Variants in TMEM106B observed in about 807,000 individuals in gnomAD.
TMEM106B encodes transmembrane protein 106B.
Under a neutral mutation model 31.1 loss-of-function variants are expected in TMEM106B, and 15 were observed. The ratio of observed to expected loss-of-function variants is 0.48; its 90% CI spans 0.32 to 0.74. TMEM106B has a LOEUF of 0.74. Ranked by LOEUF, TMEM106B falls within the 30% of genes least tolerant of loss-of-function variation. The pLI, the probability that TMEM106B is intolerant of heterozygous loss-of-function variation, is 0.03. For synonymous variants in TMEM106B, 126 were observed against 112.5 expected (o/e 1.12, Z -0.76); for missense variants, 283 against 327.3 (o/e 0.86, Z 1.04).
intron 1 of TMEM106B, among the ~76,000 whole-genome samples, chr7:12,211,817 C>T (rs1781583898): frequency 6.6e-6 from 1 of 152,214 alleles, no homozygotes; most frequent in Middle Eastern, 3.4e-3. Flanking sequence ...GTTCTCAAGC[C>T]CTTTTAGAAC....
chr7:12,230,410 G>T lies in TMEM106B; in HGVS notation c.604G>T (p.Val202Phe). Residue 202 changes from valine (V) to phenylalanine (F), a missense_variant, in exon 6 of 8, where the codon GTT (valine) becomes TTT (phenylalanine). This residue lies in a region of TMEM106B where 201 missense variants were observed against 211.5 expected (regional missense o/e 0.95). Coordinates refer to ENST00000396668, the MANE Select transcript of TMEM106B (RefSeq NM_001134232.2). ...MKQIDYTVPT[V>F]IAEEMSYMYD... ...TCAGATTGATTACACAGTACCTACC[G>T]TTATAGCAGAGGAAATGAGTTATAT... 6.2e-7 allele frequency: 1 copy of T among 1,602,666 alleles called. No individual in the cohort carries two copies. Among genetic ancestry groups the T allele is most frequent in the Non-Finnish European group, 8.5e-7 (1 of 1,172,672 alleles).
At chr7:12,224,730 T>A (rs912153355) in intron 4 of TMEM106B, among the ~76,000 whole-genome samples, 2 of 152,258 alleles carry the variant, frequency 1.3e-5, no homozygotes, top group East Asian at 3.8e-4. Context: ...ATAGATTTTA[T>A]AAATGTAACA....
rs574626313 is a variant in TMEM106B, at chr7:12,236,724, T to C, written c.*4749T>C. The stretch of plus-strand genomic sequence containing the variant: ...GTAATTCCAAGTGCTGATAGTACTA[T>C]TCATCTTTTTTATTATTGTGTCAGA... On this transcript the variant is annotated 3_prime_UTR_variant, in exon 8 of 8. Transcript: ENST00000396668. 310 of 152,182 alleles carry C rather than the reference T, an allele frequency of 2.0e-3. 3 individuals are homozygous for C. The highest frequency in any genetic ancestry group is 7.0e-3 in the African/African-American group (293 of 41,572). The allele number at this position is 152,182 out of a possible 1,614,324, so 9.4% of individuals were successfully genotyped here.
Position 12,232,088 on chromosome 7 carries a change from C to CT in TMEM106B, c.*115dup, listed in dbSNP as rs568483082. 266 of 975,132 alleles carry CT rather than the reference C, an allele frequency of 2.7e-4. No individual in the cohort carries two copies. In the East Asian group the frequency reaches 5.8e-3, roughly 21 times the overall value. The allele number at this position is 975,132 out of a possible 1,614,324, so 60.4% of individuals were successfully genotyped here. A position where few individuals can be genotyped will look rare whatever the true frequency, so the allele number is the denominator to read the frequency against. ...AAATTGAACAAACCTAAAGTTTACA[C>CT]TTCTAAGAGTACAGTTAAAAGTATG... is the stretch of plus-strand genomic sequence containing the variant. On this transcript the variant is annotated 3_prime_UTR_variant, in exon 8 of 8. Transcript: ENST00000396668.
intron 1 of TMEM106B, among the ~76,000 whole-genome samples, chr7:12,212,757 C>G (rs1781605770): frequency 6.6e-6 from 1 of 152,120 alleles, no homozygotes; most frequent in South Asian, 2.1e-4. Context: ...ACCAAGCAGG[C>G]TCCTATCAGG....
chr7:12,226,694 G>GA (rs3839692), intron 4 of TMEM106B, among the ~76,000 whole-genome samples: 43,731 of 151,838 alleles, frequency 0.29, 6,474 homozygotes, highest in South Asian at 0.42. Flanking sequence ...TAATTACAGA[G>GA]AAAAAATGGA....
Position 12,231,109 on chromosome 7 carries a change from T to G in TMEM106B, c.680T>G (p.Met227Arg). 4 of 1,599,944 alleles carry G rather than the reference T, an allele frequency of 2.5e-6. No individual in the cohort carries two copies. Among genetic ancestry groups the G allele is most frequent in the Non-Finnish European group, 3.4e-6 (4 of 1,172,512 alleles). Residue 227 changes from methionine to arginine, a missense_variant, in exon 7 of 8, where the codon ATG (methionine) becomes AGG (arginine). Physicochemically the swap from Met to Arg is moderately conservative, Grantham distance 91 (BLOSUM62 -1). This residue lies in a region of TMEM106B where 201 missense variants were observed against 211.5 expected (regional missense o/e 0.95). Coordinates refer to ENST00000396668, the MANE Select transcript of TMEM106B (RefSeq NM_001134232.2). ...ISIKVHNIVL[M>R]MQVTVTTTYF... Reference sequence around the variant, plus strand: ...ATCAAAGTGCATAACATAGTACTCATGATGCAGTAAGTACAAATCTTTTTT... The same window carrying G: ...ATCAAAGTGCATAACATAGTACTCAGGATGCAGTAAGTACAAATCTTTTTT...
In TMEM106B at chr7:12,239,032, A is replaced by G. The variant is rs951184345; in HGVS notation, c.*7057A>G. The G allele has an allele frequency of 6.6e-6, 1 of 152,152 alleles. No individual in the cohort carries two copies. The highest frequency in any genetic ancestry group is 2.4e-5 in the African/African-American group (1 of 41,448). The allele number at this position is 152,152 out of a possible 1,614,324, so 9.4% of individuals were successfully genotyped here. On this transcript the variant is annotated 3_prime_UTR_variant, in exon 8 of 8. Coordinates refer to ENST00000396668, the MANE Select transcript of TMEM106B (RefSeq NM_001134232.2). ...TTTAGCTATGAAAGTTTTAGATGGC[A>G]CCTTTTTGTAAAAGAAGGTTGTTTT...
Position 12,237,418 on chromosome 7 carries a change from A to G in TMEM106B, c.*5443A>G, listed in dbSNP as rs1459041687. 6.6e-6 allele frequency: 1 copy of G among 151,956 alleles called. No individual in the cohort carries two copies. Among genetic ancestry groups the G allele is most frequent in the African/African-American group, 2.4e-5 (1 of 41,358 alleles). 9.4% of individuals were successfully genotyped at this position (151,956 alleles called of 1,614,324 possible). ...CTTTTTTTCATTCACTTAACTTCCA[A>G]TCAGTACTCAAGCTTTATCCATTCT... On this transcript the variant is annotated 3_prime_UTR_variant, in exon 8 of 8. Coordinates refer to ENST00000396668, the MANE Select transcript of TMEM106B (RefSeq NM_001134232.2).
At chr7:12,219,378 A>G (rs181077770) in intron 3 of TMEM106B, among the ~76,000 whole-genome samples, 2 of 152,336 alleles carry the variant, frequency 1.3e-5, no homozygotes, top group Admixed American at 6.5e-5. Flanking sequence ...ACGCTGGCAT[A>G]TTCCATCACC....
At chr7:12,222,167 A>G in intron 3 of TMEM106B, among the ~76,000 whole-genome samples, 1 of 152,236 alleles carries the variant, frequency 6.6e-6, no homozygotes, top group East Asian at 1.9e-4. Flanking sequence ...AGGAAATGGC[A>G]AAAATGGAAT....
In TMEM106B at chr7:12,230,311, T is replaced by A. The variant is rs1036106573; in HGVS notation, c.583-78T>A. The A allele has an allele frequency of 1.2e-5, 12 of 1,042,342 alleles. No homozygotes were observed. The African/African-American group carries it at 1.9e-4, about 17-fold the overall frequency. 64.6% of individuals were successfully genotyped at this position (1,042,342 alleles called of 1,614,324 possible). A position where few individuals can be genotyped will look rare whatever the true frequency, so the allele number is the denominator to read the frequency against. On this transcript the variant is annotated intron_variant, in intron 5 of 7. Transcript: ENST00000396668. The stretch of plus-strand genomic sequence containing the variant: ...GTAAAAGGAGAAAAATTTCTAATTA[T>A]TTGAAGTTATGAAGTATATCTGAAA...
chr7:12,222,948 A>G (rs1166219750), intron 3 of TMEM106B, among the ~76,000 whole-genome samples: 1 of 152,206 alleles, frequency 6.6e-6, no homozygotes, highest in Non-Finnish European at 1.5e-5. Context: ...ATGGTGGCGG[A>G]GAGTGGAAGA....
chr7:12,224,366 C>T lies in TMEM106B; in HGVS notation c.422C>T (p.Thr141Ile), dbSNP rs759157913. 6.2e-7 allele frequency: 1 copy of T among 1,609,266 alleles called. No individual in the cohort carries two copies. Among genetic ancestry groups the T allele is most frequent in the South Asian group, 1.1e-5 (1 of 90,684 alleles). Residue 141 changes from threonine (T) to isoleucine (I), a missense_variant, in exon 4 of 8, where the codon ACA becomes ATA. Coordinates refer to ENST00000396668, the MANE Select transcript of TMEM106B (RefSeq NM_001134232.2). ...AYVSYDVQKR[T>I]IYLNITNTLN... ...GTCAGTTATGATGTTCAGAAGCGTACAATTTATTTAAATATCACAGTGAGT... is the reference window on the plus strand; with the variant it reads ...GTCAGTTATGATGTTCAGAAGCGTATAATTTATTTAAATATCACAGTGAGT...
In TMEM106B at chr7:12,229,689, A is replaced by G. The variant is rs761775508; in HGVS notation, c.452A>G (p.Asn151Ser). 5 of 1,598,320 alleles carry G rather than the reference A, an allele frequency of 3.1e-6. No individual in the cohort carries two copies. The highest frequency in any genetic ancestry group is 4.3e-6 in the Non-Finnish European group (5 of 1,175,052). Reference sequence around the variant, plus strand: ...GTCCTTTTTTTGTAGAACACACTAAATATAACAAACAATAACTATTACTCT... The same window carrying G: ...GTCCTTTTTTTGTAGAACACACTAAGTATAACAAACAATAACTATTACTCT... ...TIYLNITNTL[N>S]ITNNNYYSVE... Residue 151 changes from asparagine to serine, a missense_variant, in exon 5 of 8, where the codon AAT (asparagine) becomes AGT (serine). Coordinates refer to ENST00000396668, the MANE Select transcript of TMEM106B (RefSeq NM_001134232.2).
At chr7:12,229,917 G>T in intron 5 of TMEM106B, 98 bp downstream of exon 5, 2 of 1,339,506 alleles carry the variant, frequency 1.5e-6, no homozygotes, top group Non-Finnish European at 2.0e-6. Flanking sequence ...TCAAAAACTT[G>T]ATTTAGAAAT....
chr7:12,221,715 C>A (rs1781791689), intron 3 of TMEM106B, among the ~76,000 whole-genome samples: 1 of 152,196 alleles, frequency 6.6e-6, no homozygotes, highest in South Asian at 2.1e-4. Context: ...GGAACCAACC[C>A]AGGCAGAGCT....
rs978700129 is a variant in TMEM106B, at chr7:12,237,160, A to G, written c.*5185A>G. 1.3e-5 allele frequency: 2 copies of G among 152,108 alleles called. No homozygotes were observed. The highest frequency in any genetic ancestry group is 6.8e-3 in the Middle Eastern group (2 of 294). The allele number at this position is 152,108 out of a possible 1,614,324, so 9.4% of individuals were successfully genotyped here. On this transcript the variant is annotated 3_prime_UTR_variant, in exon 8 of 8. Transcript: ENST00000396668. ...CAAATAGAAATGCCCCCAAAATGCT[A>G]TTTTTTTAATTCAGTTATAACTGTT...
At chr7:12,230,025 T>C (rs1298005816) in intron 5 of TMEM106B, among the ~76,000 whole-genome samples, 1 of 149,166 alleles carries the variant, frequency 6.7e-6, no homozygotes, top group Non-Finnish European at 1.5e-5. Context: ...GAGACCAGCC[T>C]GGGCAACATG....
Sources: gnomAD v4.1 joint callset for allele counts (sites outside exome capture counted in the v4.1 genomes callset) on GRCh38, gnomAD v4.1.1 for gene constraint, gnomAD v4.1.1 regional missense constraint, MANE v1.5 for transcripts, NCBI Gene and HGNC (gene_info 2026-07-23, HGNC 2026-07-21) for gene names.